Variants in ADAMTS2 observed in about 807,000 individuals in gnomAD.
The protein encoded by ADAMTS2 is ADAM metallopeptidase with thrombospondin type 1 motif 2.
Under a neutral mutation model 123.0 loss-of-function variants are expected in ADAMTS2, and 50 were observed. The observed-to-expected ratio is 0.41, with a 90% confidence interval of 0.32 to 0.51. The LOEUF is 0.51. ADAMTS2 is among the 20% of genes least tolerant of loss of function. The pLI is 0.35. For missense variants in ADAMTS2, 1,494 were observed against 1,705.2 expected, an observed-to-expected ratio of 0.88 and a Z score of 2.18; for synonymous variants, 678 against 695.4, an observed-to-expected ratio of 0.98 and a Z score of 0.39.
At chr5:179,265,665 T>C (rs373201058) in intron 3 of ADAMTS2, among the ~76,000 whole-genome samples, 19 of 152,302 alleles carry the variant, frequency 1.2e-4, no homozygotes, top group African/African-American at 4.1e-4. Flanking sequence ...CCTCGGAGAA[T>C]GTGCAGCCTC....
At chr5:179,125,231 C>A in intron 18 of ADAMTS2, 51 bp from the exon 19 acceptor site, 5 of 1,572,428 alleles carry the variant, frequency 3.2e-6, no homozygotes, top group Non-Finnish European at 4.4e-6. Context: ...CCTGGAGAAC[C>A]TGCCTGGCTG....
chr5:179,276,476 G>A (rs1214143054), intron 2 of ADAMTS2, among the ~76,000 whole-genome samples: 1 of 152,170 alleles, frequency 6.6e-6, no homozygotes, highest in Non-Finnish European at 1.5e-5. Context: ...CAGGCAAGGT[G>A]TCAAGCTCCC....
intron 4 of ADAMTS2, among the ~76,000 whole-genome samples, chr5:179,205,634 C>T (rs566548585): frequency 6.6e-6 from 1 of 152,198 alleles, no homozygotes. Context: ...AGATTTTATA[C>T]CTGCCAGTCT....
rs143546165 is a variant in ADAMTS2, at chr5:179,197,336, T to C, written c.891+10177A>G. 6.6e-6 allele frequency among the ~76,000 whole-genome samples: 1 copy of C among 152,304 alleles called. No individual in the cohort carries two copies. The highest frequency in any genetic ancestry group is 2.4e-5 in the African/African-American group (1 of 41,558). Reference sequence around the variant, plus strand: ...TTCTCGGGAAGAGTAGGATTGAAATTAGCGCTTTAGTGAAATGCTTGAAGC... The same window carrying C: ...TTCTCGGGAAGAGTAGGATTGAAATCAGCGCTTTAGTGAAATGCTTGAAGC... On this transcript the variant is annotated intron_variant, in intron 4 of 21. Coordinates refer to ENST00000251582, the MANE Select transcript of ADAMTS2 (RefSeq NM_014244.5). This position sits in a 1 kb window ranked among gnomAD's most constrained non-coding sequence, Gnocchi z 4.2.
chr5:179,261,681 G>A (rs79974580), intron 3 of ADAMTS2, among the ~76,000 whole-genome samples: 242 of 152,312 alleles, frequency 1.6e-3, no homozygotes, highest in African/African-American at 5.3e-3. Flanking sequence ...CGCTGCCTGC[G>A]GCCCCTTGGG....
At chr5:179,243,440 C>A (rs1156352847) in intron 3 of ADAMTS2, among the ~76,000 whole-genome samples, 3 of 152,162 alleles carry the variant, frequency 2.0e-5, no homozygotes, top group Non-Finnish European at 4.4e-5. Context: ...CCCGGGATGA[C>A]CCTGCACACG....
At chr5:179,269,462 G>A (rs924996019) in intron 3 of ADAMTS2, among the ~76,000 whole-genome samples, 1 of 152,180 alleles carries the variant, frequency 6.6e-6, no homozygotes. Flanking sequence ...AGCCGAGAGA[G>A]AGAGAGCTTG....
At chr5:179,217,440 TTTTG>T (rs1401927329) in intron 3 of ADAMTS2, among the ~76,000 whole-genome samples, 2 of 152,150 alleles carry the variant, frequency 1.3e-5, no homozygotes, top group African/African-American at 2.4e-5. Context: ...GATAAATGGC[TTTTG>T]TTTCTTTCTT....
In ADAMTS2 at chr5:179,261,308, G is replaced by A. The variant is rs547549159; in HGVS notation, c.688+11603C>T. Among the ~76,000 whole-genome samples, 13 of 152,306 alleles carry A rather than the reference G, an allele frequency of 8.5e-5. No homozygotes were observed. The South Asian group carries it at 1.7e-3, about 19-fold the overall frequency. ...CAAAAAGCAACGCCGCTTTGCTGCCGGAGCAGCAAAATATTAAACACTAAA... is the reference window on the plus strand; with the variant it reads ...CAAAAAGCAACGCCGCTTTGCTGCCAGAGCAGCAAAATATTAAACACTAAA... On this transcript the variant is annotated intron_variant, in intron 3 of 21. Coordinates refer to ENST00000251582, the MANE Select transcript of ADAMTS2 (RefSeq NM_014244.5).
chr5:179,191,343 A>G (rs1764300394), intron 4 of ADAMTS2, among the ~76,000 whole-genome samples: 1 of 152,104 alleles, frequency 6.6e-6, no homozygotes, highest in African/African-American at 2.4e-5. Context: ...GAGGGGCCCT[A>G]AGTGGCCAGG....
In ADAMTS2 at chr5:179,129,410, T is replaced by C. The variant is rs1762921515; in HGVS notation, c.2457+522A>G. ...TTTTGACAAATAAAATATATCCCTA[T>C]GCAGTTAAATTACATTTTAAAAAGT... On this transcript the variant is annotated intron_variant, in intron 16 of 21. Transcript: ENST00000251582. The surrounding 1 kb of genome is among the most constrained non-coding windows in gnomAD (Gnocchi z 4.1). Among the ~76,000 whole-genome samples the C allele has an allele frequency of 6.6e-6, 1 of 152,174 alleles. No individual in the cohort carries two copies. The highest frequency in any genetic ancestry group is 1.5e-5 in the Non-Finnish European group (1 of 68,036).
intron 2 of ADAMTS2, among the ~76,000 whole-genome samples, chr5:179,315,776 C>T (rs1417480255): frequency 1.3e-5 from 2 of 152,128 alleles, no homozygotes; most frequent in Non-Finnish European, 2.9e-5. Context: ...GGTGGCTGCA[C>T]CGAAGAGCAG....
At chr5:179,151,128 C>G (rs758913690) in intron 10 of ADAMTS2, 1 of 382,678 alleles carries the variant, frequency 2.6e-6, no homozygotes, top group South Asian at 1.9e-5. Flanking sequence ...AACTTCTGAC[C>G]TCAGGCGATC....
chr5:179,344,265 G>T, intron 1 of ADAMTS2, 104 bp from the exon 2 acceptor site: 1 of 1,424,006 alleles, frequency 7.0e-7, no homozygotes. Context: ...CACTGCGAAG[G>T]GAAGGGGCAT....
intron 3 of ADAMTS2, among the ~76,000 whole-genome samples, chr5:179,244,402 C>G (rs989016593): frequency 2.0e-5 from 3 of 152,168 alleles, no homozygotes; most frequent in Non-Finnish European, 2.9e-5. Context: ...AAGAATCTTT[C>G]TCCAGCAGAA....
intron 10 of ADAMTS2, among the ~76,000 whole-genome samples, chr5:179,148,905 A>T (rs1374837197): frequency 6.6e-6 from 1 of 152,124 alleles, no homozygotes; most frequent in Non-Finnish European, 1.5e-5. Flanking sequence ...GCCAACAGGA[A>T]CTGGCTGGGG....
rs535758392 is a variant in ADAMTS2, at chr5:179,258,304, C to T, written c.688+14607G>A. The stretch of plus-strand genomic sequence containing the variant: ...CAACCCAGACAATGTGTACTGAACT[C>T]CTCGTCAACTTGACCCCTGAGCTCC... On this transcript the variant is annotated intron_variant, in intron 3 of 21. Coordinates refer to ENST00000251582, the MANE Select transcript of ADAMTS2 (RefSeq NM_014244.5). Among the ~76,000 whole-genome samples, 11 of 152,008 alleles carry T rather than the reference C, an allele frequency of 7.2e-5. No homozygotes were observed. The South Asian group carries it at 2.3e-3, about 32-fold the overall frequency.
In ADAMTS2 at chr5:179,260,089, A is replaced by C. The variant is rs1766175895; in HGVS notation, c.688+12822T>G. ...AGTCAGTCCTGCTCAAGTGTGAGGA[A>C]GTGGGACTAGCAAAGGCCCAGGGCC... is the stretch of plus-strand genomic sequence containing the variant. On this transcript the variant is annotated intron_variant, in intron 3 of 21. Coordinates refer to ENST00000251582, the MANE Select transcript of ADAMTS2 (RefSeq NM_014244.5). The surrounding 1 kb of genome is among the most constrained non-coding windows in gnomAD (Gnocchi z 4.2). Among the ~76,000 whole-genome samples, 1 of 152,188 alleles carries C rather than the reference A, an allele frequency of 6.6e-6. No homozygotes were observed. The highest frequency in any genetic ancestry group is 1.5e-5 in the Non-Finnish European group (1 of 68,034).
intron 2 of ADAMTS2, among the ~76,000 whole-genome samples, chr5:179,323,708 T>C (rs1757243951): frequency 6.6e-6 from 1 of 152,272 alleles, no homozygotes. Flanking sequence ...CTTCGGCAAC[T>C]GTCAGCACCG....
Sources: gnomAD v4.1 joint callset for allele counts (sites outside exome capture counted in the v4.1 genomes callset) on GRCh38, gnomAD v4.1.1 for gene constraint, Gnocchi (gnomAD v3.1) non-coding constraint, MANE v1.5 for transcripts, NCBI Gene and HGNC (gene_info 2026-07-23, HGNC 2026-07-21) for gene names.